Variants in PCSK2 observed in about 807,000 individuals in gnomAD.
PCSK2 encodes the protein neuroendocrine convertase 2.
PCSK2 carries 14 observed loss-of-function variants against 69.7 expected under a neutral mutation model. That is an observed-to-expected ratio of 0.20 (90% CI 0.13 to 0.31). The LOEUF (loss-of-function observed/expected upper bound fraction) is 0.31, where lower values mean the gene tolerates loss of function less well. Ranked by LOEUF, PCSK2 falls within the 10% of genes least tolerant of loss-of-function variation. PCSK2 has a pLI of 1.00. For missense variants in PCSK2, 544 were observed against 842.5 expected (o/e 0.65, Z 4.39); for synonymous variants, 307 against 320.7 (o/e 0.96, Z 0.46).
intron 2 of PCSK2, among the ~76,000 whole-genome samples, chr20:17,338,897 T>C (rs1990432132): frequency 6.6e-6 from 1 of 152,172 alleles, no homozygotes; most frequent in Non-Finnish European, 1.5e-5. Context: ...ATAGCAGAAC[T>C]TCCAGCAAAT....
At chr20:17,442,556 G>A (rs73250224) in intron 8 of PCSK2, among the ~76,000 whole-genome samples, 1 of 152,034 alleles carries the variant, frequency 6.6e-6, no homozygotes, top group Admixed American at 6.5e-5. Context: ...ATCCAATTAC[G>A]ACTTTTTTCT....
intron 8 of PCSK2, among the ~76,000 whole-genome samples, chr20:17,437,459 G>A (rs975311343): frequency 1.3e-5 from 2 of 152,174 alleles, no homozygotes; most frequent in African/African-American, 2.4e-5. Flanking sequence ...GCTGCATAGG[G>A]AGGGGAAGGG....
chr20:17,338,172 G>GT (rs1390187229), intron 2 of PCSK2, among the ~76,000 whole-genome samples: 4 of 44,790 alleles, frequency 8.9e-5, no homozygotes, highest in Non-Finnish European at 2.6e-4. Flanking sequence ...CATTTTTTTT[G>GT]GGGGGGGGGG....
intron 2 of PCSK2, among the ~76,000 whole-genome samples, chr20:17,293,440 A>G (rs1417606489): frequency 6.6e-6 from 1 of 152,122 alleles, no homozygotes; most frequent in Non-Finnish European, 1.5e-5. Flanking sequence ...TTTTGTTTTT[A>G]TGTCCTTTGG....
At chr20:17,433,238 A>T (rs570224663) in intron 7 of PCSK2, among the ~76,000 whole-genome samples, 1 of 152,354 alleles carries the variant, frequency 6.6e-6, no homozygotes, top group East Asian at 1.9e-4. Flanking sequence ...GTGCTTTCAC[A>T]TATTATTATC....
At chr20:17,464,276 G>A (rs1474282755) in intron 10 of PCSK2, 1 of 152,032 alleles carries the variant, frequency 6.6e-6, no homozygotes, top group Admixed American at 6.6e-5. Context: ...GCGATAACCT[G>A]GCCCAAAAAC....
At chr20:17,252,477 T>C (rs1039695304) in intron 1 of PCSK2, among the ~76,000 whole-genome samples, 6 of 152,238 alleles carry the variant, frequency 3.9e-5, no homozygotes, top group Non-Finnish European at 1.5e-5. Flanking sequence ...GTGCAAGATA[T>C]TATTCCAAGC....
At chr20:17,279,577 G>A (rs1250047101) in intron 2 of PCSK2, among the ~76,000 whole-genome samples, 14 of 151,880 alleles carry the variant, frequency 9.2e-5, no homozygotes, top group Admixed American at 5.2e-4. Context: ...AGGCCGAGGC[G>A]GGTGGATCAC....
intron 2 of PCSK2, among the ~76,000 whole-genome samples, chr20:17,320,759 C>G (rs1433034405): frequency 6.6e-6 from 1 of 152,136 alleles, no homozygotes; most frequent in African/African-American, 2.4e-5. Context: ...GCTAGTGAGT[C>G]AGAGAAAAGC....
chr20:17,263,216 T>A, intron 2 of PCSK2: 1 of 693,374 alleles, frequency 1.4e-6, no homozygotes, highest in Non-Finnish European at 1.8e-6. Context: ...GCCTCTCATG[T>A]AACAACTAAT....
chr20:17,430,502 C>T (rs1040036675), intron 7 of PCSK2, among the ~76,000 whole-genome samples: 1 of 152,318 alleles, frequency 6.6e-6, no homozygotes, highest in Non-Finnish European at 1.5e-5. Context: ...GTAACCTATA[C>T]AAACCCACTA....
chr20:17,347,872 A>AGAGGAG (rs2051026891), intron 2 of PCSK2, among the ~76,000 whole-genome samples: 3 of 88,888 alleles, frequency 3.4e-5, no homozygotes, highest in Admixed American at 1.3e-4. Context: ...GGAGAGAGAA[A>AGAGGAG]AAAGAAAGAA....
intron 8 of PCSK2, among the ~76,000 whole-genome samples, chr20:17,449,234 G>A (rs1346692872): frequency 6.6e-6 from 1 of 152,146 alleles, no homozygotes; most frequent in Non-Finnish European, 1.5e-5. Context: ...TGAGCTGCAG[G>A]ATTAGGGTGG....
chr20:17,468,121 C>G (rs1298806547), intron 11 of PCSK2, among the ~76,000 whole-genome samples: 1 of 148,024 alleles, frequency 6.8e-6, no homozygotes, highest in South Asian at 2.3e-4. Context: ...GGTCAGCATC[C>G]TCCCACAGGC....
chr20:17,268,033 G>GTATGTATATATATATATATATATA (rs1433692727), intron 2 of PCSK2, among the ~76,000 whole-genome samples: 2 of 66,334 alleles, frequency 3.0e-5, no homozygotes, highest in Non-Finnish European at 2.9e-5. Flanking sequence ...TATCCAATGT[G>GTATGTATATATATATATATATATA]TATATATATA....
intron 5 of PCSK2, among the ~76,000 whole-genome samples, chr20:17,389,012 A>T (rs541391895): frequency 6.6e-6 from 1 of 152,272 alleles, no homozygotes; most frequent in South Asian, 2.1e-4. Flanking sequence ...TTAATAGATA[A>T]TGAGAAATTG....
At chr20:17,328,367 T>A (rs972028828) in intron 2 of PCSK2, among the ~76,000 whole-genome samples, 42 of 148,970 alleles carry the variant, frequency 2.8e-4, no homozygotes, top group African/African-American at 1.0e-3. Flanking sequence ...TATATAAATA[T>A]TACCTAACAT....
At chr20:17,354,883 C>T (rs6075196) in intron 2 of PCSK2, among the ~76,000 whole-genome samples, 33,669 of 151,296 alleles carry the variant, frequency 0.22, 4,313 homozygotes, top group East Asian at 0.54. Flanking sequence ...AATGGGGTTA[C>T]ATGGTATCAT....
chr20:17,476,423 G>A lies in PCSK2; in HGVS notation c.1431-5161G>A, dbSNP rs1453582382. 2.0e-5 allele frequency among the ~76,000 whole-genome samples: 3 copies of A among 152,286 alleles called. No individual in the cohort carries two copies. The East Asian group carries it at 5.8e-4, about 29-fold the overall frequency. ...TCATTTCAGCACTCACATGATCTATGTTTCAATTGCTCATTAGCCACATGT... is the reference window on the plus strand; with the variant it reads ...TCATTTCAGCACTCACATGATCTATATTTCAATTGCTCATTAGCCACATGT... On this transcript the variant is annotated intron_variant, in intron 11 of 11. Transcript: ENST00000262545.
Sources: allele counts gnomAD v4.1 joint callset (sites outside exome capture counted in the v4.1 genomes callset), GRCh38; gene constraint gnomAD v4.1.1; transcripts MANE v1.5; gene names NCBI Gene and HGNC (gene_info 2026-07-23, HGNC 2026-07-21).